The following PCDHA6 variants were observed in gnomAD, a reference collection of about 807,000 sequenced individuals.
The protein encoded by PCDHA6 is protocadherin alpha-6.
Under a neutral mutation model 60.3 loss-of-function variants are expected in PCDHA6, and 55 were observed. The observed-to-expected ratio is 0.91, with a 90% CI of 0.73 to 1.14. PCDHA6 has a LOEUF of 1.14. Ranked by LOEUF, PCDHA6 falls within the 50% of genes most tolerant of loss-of-function variation. The pLI is 0.00. For missense variants in PCDHA6, 1,327 were observed against 1,256.5 expected (o/e 1.06, Z -0.85); for synonymous variants, 652 against 557.9 (o/e 1.17, Z -2.38).
chr5:140,896,053 C>T (rs371706160), intron 1 of PCDHA6, among the ~76,000 whole-genome samples: 8 of 152,164 alleles, frequency 5.3e-5, no homozygotes, highest in Non-Finnish European at 1.2e-4. Context: ...TCAGGTGATC[C>T]GCCTGCCTCG....
At position 140,848,680 on chromosome 5, in the gene PCDHA6, G is replaced by T. The variant is rs2150417098; in HGVS notation, c.2394+18195G>T. ...CTGGAGCTGGCGGAGCTGGTGCCGC[G>T]CCTGTTCCAGTTGGATTCCAAAGGC... On this transcript the variant is annotated intron_variant, in intron 1 of 3. Transcript: ENST00000529310. 4.4e-5 allele frequency: 70 copies of T among 1,592,250 alleles called. 5 individuals are homozygous for T. The highest frequency in any genetic ancestry group is 3.9e-4 in the Admixed American group (23 of 59,170).
At chr5:140,915,535 A>G (rs1482564103) in intron 1 of PCDHA6, among the ~76,000 whole-genome samples, 1 of 152,002 alleles carries the variant, frequency 6.6e-6, no homozygotes, top group African/African-American at 2.4e-5. Context: ...ACCATCTTGG[A>G]GGTCTTGAAT....
chr5:140,861,362 C>T (rs2046877441), intron 1 of PCDHA6: 11 of 354,006 alleles, frequency 3.1e-5, no homozygotes, highest in South Asian at 2.4e-4. Context: ...ATAGCGTCTT[C>T]GCGGTCCCTA....
At chr5:140,866,812 C>A (rs1172521123) in intron 1 of PCDHA6, 1 of 152,120 alleles carries the variant, frequency 6.6e-6, no homozygotes, top group Non-Finnish European at 1.5e-5. Context: ...CACAAAGTTC[C>A]TTAATCTTCA....
intron 1 of PCDHA6, chr5:140,856,435 G>C (rs2043994865): frequency 6.3e-7 from 1 of 1,598,204 alleles, no homozygotes; most frequent in Non-Finnish European, 8.6e-7. Flanking sequence ...ACGACAACCC[G>C]CCCAGGTTCT....
intron 3 of PCDHA6, among the ~76,000 whole-genome samples, chr5:141,001,297 A>G (rs1367498675): frequency 1.3e-5 from 2 of 152,202 alleles, no homozygotes; most frequent in African/African-American, 2.4e-5. Context: ...ACTGAGGCCC[A>G]GAGATATGAA....
At chr5:140,856,540 C>T (rs1554148838) in intron 1 of PCDHA6, 1 of 1,598,278 alleles carries the variant, frequency 6.3e-7, no homozygotes, top group Non-Finnish European at 8.6e-7. Context: ...TTGGAGAGAA[C>T]GCATTGCTTA....
In PCDHA6 at chr5:140,982,557, A is replaced by G. The variant is rs199851685; in HGVS notation, c.2536A>G (p.Thr846Ala). 6.2e-7 allele frequency: 1 copy of G among 1,614,138 alleles called. No homozygotes were observed. The highest frequency in any genetic ancestry group is 1.7e-5 in the Admixed American group (1 of 60,030). The change falls in exon 3 of 4, where the codon ACA becomes GCA. Residue 846 changes from threonine (T) to alanine (A), a missense_variant. Physicochemically the swap from Thr to Ala is moderately conservative, Grantham distance 58. Transcript: ENST00000529310. ...GCAGTGGCCAACAGTATCCAGTGCAACACCAGGTAAAGAGCTGGGGTCTCT... is the reference window on the plus strand; with the variant it reads ...GCAGTGGCCAACAGTATCCAGTGCAGCACCAGGTAAAGAGCTGGGGTCTCT... Reference protein sequence around the residue: ...DQQWPTVSSATPEPEAGEVSP... With the variant: ...DQQWPTVSSAAPEPEAGEVSP...
intron 1 of PCDHA6, chr5:140,870,038 A>G (rs1268813918): frequency 8.1e-6 from 13 of 1,613,620 alleles, no homozygotes; most frequent in Non-Finnish European, 1.1e-5. Flanking sequence ...TATGAAGAAA[A>G]CAAGTTTTAT....
chr5:140,842,984 G>T (rs2150349206), intron 1 of PCDHA6: 2 of 1,595,034 alleles, frequency 1.3e-6, no homozygotes, highest in Non-Finnish European at 8.6e-7. Flanking sequence ...GCAGGTGTTC[G>T]TGCTGGACGA....
chr5:140,857,501 G>T, intron 1 of PCDHA6: 1 of 1,598,358 alleles, frequency 6.3e-7, no homozygotes. Context: ...GGACGCGCAG[G>T]AGAACGCCCT....
intron 1 of PCDHA6, among the ~76,000 whole-genome samples, chr5:140,943,273 A>AG (rs1157586895): frequency 6.7e-6 from 1 of 150,362 alleles, no homozygotes; most frequent in Non-Finnish European, 1.5e-5. Flanking sequence ...AAAAAAAAAA[A>AG]AAAAGAAAGA....
At chr5:140,942,860 G>T (rs1262172468) in intron 1 of PCDHA6, among the ~76,000 whole-genome samples, 15 of 151,964 alleles carry the variant, frequency 9.9e-5, no homozygotes, top group Admixed American at 9.8e-4. Context: ...TGATTATTTT[G>T]CTTTAGCATG....
intron 1 of PCDHA6, among the ~76,000 whole-genome samples, chr5:140,965,292 C>T (rs1305794672): frequency 6.6e-6 from 1 of 152,152 alleles, no homozygotes; most frequent in Non-Finnish European, 1.5e-5. Flanking sequence ...GAAAGATTTC[C>T]TCTGATCCTT....
At chr5:141,000,361 GTCTC>G (rs148596731) in intron 3 of PCDHA6, among the ~76,000 whole-genome samples, 1,917 of 26,274 alleles carry the variant, frequency 0.073, 118 homozygotes, top group African/African-American at 0.11. Flanking sequence ...GTCTCTCTCT[GTCTC>G]TCTCTCTCTC....
chr5:140,943,139 TC>T (rs1314499841), intron 1 of PCDHA6, among the ~76,000 whole-genome samples: 5 of 151,168 alleles, frequency 3.3e-5, no homozygotes, highest in Non-Finnish European at 5.9e-5. Flanking sequence ...GTGCCTGTAG[TC>T]CCAGCTACTC....
In PCDHA6 at chr5:140,964,167, C is replaced by T. The variant is rs370784169; in HGVS notation, c.2395-14782C>T. Reference sequence around the variant, plus strand: ...AGCCTCAGTATAATGGTGTGAGGAACGAAATCATTATAGTGCCAAATAGAG... The same window carrying T: ...AGCCTCAGTATAATGGTGTGAGGAATGAAATCATTATAGTGCCAAATAGAG... On this transcript the variant is annotated intron_variant, in intron 1 of 3. Coordinates refer to ENST00000529310, the MANE Select transcript of PCDHA6 (RefSeq NM_018909.4). Among the ~76,000 whole-genome samples, 16 of 152,250 alleles carry T rather than the reference C, an allele frequency of 1.1e-4. 1 individual carries two copies. The highest frequency in any genetic ancestry group is 3.4e-4 in the African/African-American group (14 of 41,544).
At position 140,850,499 on chromosome 5, in the gene PCDHA6, G is replaced by T. The variant is rs2150486529; in HGVS notation, c.2394+20014G>T. 2.5e-6 allele frequency: 4 copies of T among 1,598,170 alleles called. No individual in the cohort carries two copies. The East Asian group carries it at 8.9e-5, about 36-fold the overall frequency. ...CGGCCACGGCCACTGTGCTGGTGTCGCTGGTGGAGAGCGGCCAGGCGCCAA... is the reference window on the plus strand; with the variant it reads ...CGGCCACGGCCACTGTGCTGGTGTCTCTGGTGGAGAGCGGCCAGGCGCCAA... On this transcript the variant is annotated intron_variant, in intron 1 of 3. Transcript: ENST00000529310.
At chr5:140,869,108 T>C in intron 1 of PCDHA6, 2 of 1,602,680 alleles carry the variant, frequency 1.2e-6, no homozygotes, top group African/African-American at 1.3e-5. Flanking sequence ...TATGCGATGT[T>C]TGGTTTTCAG....
Sources: allele counts gnomAD v4.1 joint callset (sites outside exome capture counted in the v4.1 genomes callset), GRCh38; gene constraint gnomAD v4.1.1; transcripts MANE v1.5; gene names NCBI Gene and HGNC (gene_info 2026-07-23, HGNC 2026-07-21).